ANXA9: variants seen among roughly 807,000 people sequenced by gnomAD.
The protein encoded by ANXA9 is annexin A9.
Under a neutral mutation model 51.8 loss-of-function variants are expected in ANXA9, and 47 were observed. That is an observed-to-expected ratio of 0.91 (90% CI 0.72 to 1.16). The LOEUF is 1.16. Among genes scored for constraint, ANXA9 ranks in the 50% most tolerant of loss-of-function variants. ANXA9 has a pLI of 0.00. For missense variants in ANXA9, 361 were observed against 424.7 expected, an observed-to-expected ratio of 0.85 and a Z score of 1.32; for synonymous variants, 154 against 168.7, an observed-to-expected ratio of 0.91 and a Z score of 0.68.
chr1:150,991,249 T>G (rs1671691128), intron 12 of ANXA9, among the ~76,000 whole-genome samples: 1 of 150,862 alleles, frequency 6.6e-6, no homozygotes, highest in Non-Finnish European at 1.5e-5. Context: ...TTTATTTTTA[T>G]TTTTTTAGAT....
chr1:150,978,697 G>A (rs920130826), upstream of ANXA9, among the ~76,000 whole-genome samples: 4 of 152,048 alleles, frequency 2.6e-5, no homozygotes, highest in African/African-American at 9.7e-5. Context: ...TGGGCGCAGT[G>A]GCTCATGCCT....
chr1:150,988,191 G>A lies in ANXA9; in HGVS notation c.793+5G>A. ...AGGTGGCTCTGCTCGGCCTAGGTAG[G>A]GGCCTGCTCAGGATTTGTGAAGTAA... On this transcript the variant is annotated splice_donor_5th_base_variant and intron_variant, in intron 11 of 13. Transcript: ENST00000368947. 1.2e-6 allele frequency: 2 copies of A among 1,614,186 alleles called. No individual in the cohort carries two copies. Among genetic ancestry groups the A allele is most frequent in the African/African-American group, 1.3e-5 (1 of 75,032 alleles).
At chr1:150,990,764 C>T (rs772849577) in intron 12 of ANXA9, among the ~76,000 whole-genome samples, 18 of 152,256 alleles carry the variant, frequency 1.2e-4, no homozygotes, top group East Asian at 7.7e-4. Context: ...AGGAGAATCT[C>T]GAGCCTGGGA....
chr1:150,984,609 G>A lies in ANXA9; in HGVS notation c.405G>A (p.Val135=). The A allele has an allele frequency of 6.2e-7, 1 of 1,614,080 alleles. No individual in the cohort carries two copies. Among genetic ancestry groups the A allele is most frequent in the Non-Finnish European group, 8.5e-7 (1 of 1,180,010 alleles). ...AGGCCTCAGATTCTGCTGTGGACGT[G>A]GCCATTGAAATTCTTGCCACTCGAA... ...ALKASDSAVD[V]AIEILATRTP... The change falls in exon 7 of 14, where the codon GTG becomes GTA. Residue 135 remains valine, a synonymous_variant. Transcript: ENST00000368947.
chr1:150,988,073 G>A lies in ANXA9; in HGVS notation c.698-18G>A. On this transcript the variant is annotated intron_variant, in intron 10 of 13. Coordinates refer to ENST00000368947, the MANE Select transcript of ANXA9 (RefSeq NM_003568.3). ...TAATCCCCCATCCATCTTTCTAACT[G>A]CCTCCTACACACACAAGTGTTTGAT... 2 of 1,614,036 alleles carry A rather than the reference G, an allele frequency of 1.2e-6. No homozygotes were observed. The highest frequency in any genetic ancestry group is 1.6e-4 in the Middle Eastern group (1 of 6,062).
At chr1:150,978,955 C>T (rs1473839533), upstream of ANXA9, among the ~76,000 whole-genome samples, 3 of 151,666 alleles carry the variant, frequency 2.0e-5, no homozygotes, top group African/African-American at 7.3e-5. Flanking sequence ...CAGAGTGAGA[C>T]TCTGTCTCAA....
At chr1:150,994,781 A>C (rs1238366569) in intron 13 of ANXA9, 82 bp downstream of exon 13, 1 of 1,566,758 alleles carries the variant, frequency 6.4e-7, no homozygotes, top group African/African-American at 1.4e-5. Flanking sequence ...ACAGCTGAGC[A>C]TATTCTTGCC....
chr1:150,983,228 G>T (rs2102787381), intron 3 of ANXA9, 48 bp downstream of exon 3: 1 of 1,605,332 alleles, frequency 6.2e-7, no homozygotes, highest in East Asian at 2.2e-5. Flanking sequence ...TCTCAGCTCG[G>T]GCTGTGAGAG....
upstream of ANXA9, among the ~76,000 whole-genome samples, chr1:150,978,040 G>T (rs1671364825): frequency 6.6e-6 from 1 of 152,162 alleles, no homozygotes; most frequent in South Asian, 2.1e-4. Flanking sequence ...GGAGGCTGAG[G>T]CAGGAGAATT....
intron 12 of ANXA9, among the ~76,000 whole-genome samples, chr1:150,993,650 T>C (rs1258032467): frequency 6.8e-6 from 1 of 148,072 alleles, no homozygotes; most frequent in African/African-American, 2.5e-5. Flanking sequence ...TTTTTTTTTT[T>C]TGAGACGGAG....
chr1:150,988,379 C>G, intron 12 of ANXA9, 38 bp downstream of exon 12: 2 of 1,608,374 alleles, frequency 1.2e-6, no homozygotes, highest in Non-Finnish European at 8.5e-7. Context: ...AGAACAGAAA[C>G]TGGGGAGGAG....
At chr1:150,986,290 C>A (rs761618974) in intron 7 of ANXA9, 46 bp from the exon 8 acceptor site, 2 of 1,577,460 alleles carry the variant, frequency 1.3e-6, no homozygotes, top group East Asian at 4.5e-5. Flanking sequence ...GATATCTACA[C>A]TAGGAAAACT....
chr1:150,995,026 A>T (rs1341484167), intron 13 of ANXA9, among the ~76,000 whole-genome samples: 2 of 152,232 alleles, frequency 1.3e-5, no homozygotes, highest in Non-Finnish European at 2.9e-5. Context: ...CAGAAGGCAG[A>T]GGTTGCAGTG....
chr1:150,990,853 T>A (rs1208948982), intron 12 of ANXA9, among the ~76,000 whole-genome samples: 6 of 149,376 alleles, frequency 4.0e-5, no homozygotes, highest in African/African-American at 1.5e-4. Context: ...TCAAAAAAAA[T>A]AAATAAACAG....
In ANXA9 at chr1:150,983,992, A is replaced by G. The variant is rs766757747; in HGVS notation, c.190A>G (p.Ile64Val). Residue 64 changes from isoleucine (I) to valine (V), a missense_variant, in exon 5 of 14, where the codon ATT becomes GTT. Coordinates refer to ENST00000368947, the MANE Select transcript of ANXA9 (RefSeq NM_003568.3). ...ITGQGVDRSA[I>V]VDVLTNRSRE... ...CGGTTCAGGCGTGGACCGCAGTGCC[A>G]TTGTGGACGTGCTGACCAACCGGAG... is the stretch of plus-strand genomic sequence containing the variant. 2.5e-6 allele frequency: 4 copies of G among 1,612,698 alleles called. No homozygotes were observed. In the South Asian group the frequency reaches 4.4e-5, roughly 18 times the overall value.
In ANXA9 at chr1:150,994,636, CCTT is replaced by C. The variant is rs756533078; in HGVS notation, c.915_917del (p.Leu306del). On this transcript the variant is annotated inframe_deletion, in exon 13 of 14. Transcript: ENST00000368947. ...TCCTTATCTCTCGATGTGAGACTGACCTTCTGAGTATCAGAGCTGAGTTCAGGA... is the reference window on the plus strand; with the variant it reads ...TCCTTATCTCTCGATGTGAGACTGACCTGAGTATCAGAGCTGAGTTCAGGA... The C allele has an allele frequency of 2.1e-5, 34 of 1,614,006 alleles. No homozygotes were observed. The highest frequency in any genetic ancestry group is 2.6e-5 in the Non-Finnish European group (31 of 1,180,002).
At chr1:150,991,576 T>A (rs1254163540) in intron 12 of ANXA9, among the ~76,000 whole-genome samples, 1 of 149,146 alleles carries the variant, frequency 6.7e-6, no homozygotes, top group Non-Finnish European at 1.5e-5. Context: ...GGAGTCTCAC[T>A]CTGTCGCTAG....
At chr1:150,993,897 G>C (rs1027128170) in intron 12 of ANXA9, among the ~76,000 whole-genome samples, 6 of 150,126 alleles carry the variant, frequency 4.0e-5, no homozygotes, top group African/African-American at 7.4e-5. Context: ...TCCTCCCAAA[G>C]TGCTGGGATT....
intron 12 of ANXA9, 124 bp downstream of exon 12, chr1:150,988,465 G>A: frequency 8.5e-7 from 1 of 1,181,580 alleles, no homozygotes; most frequent in South Asian, 1.4e-5. Flanking sequence ...CTCCTTCCCA[G>A]GGCTTACACA....
Sources: gnomAD v4.1 joint callset for allele counts (sites outside exome capture counted in the v4.1 genomes callset) on GRCh38, gnomAD v4.1.1 for gene constraint, MANE v1.5 for transcripts, NCBI Gene and HGNC (gene_info 2026-07-23, HGNC 2026-07-21) for gene names.